The following CIT variants were observed in gnomAD, a reference collection of about 807,000 sequenced individuals.
The protein encoded by CIT is citron Rho-interacting kinase.
A neutral mutation model predicts 272.7 loss-of-function variants in CIT; 79 were observed. The ratio of observed to expected loss-of-function variants is 0.29; its 90% CI spans 0.24 to 0.35. CIT has a LOEUF of 0.35. CIT is among the 10% of genes least tolerant of loss of function. The pLI is 1.00. For synonymous variants in CIT, 948 were observed against 995.6 expected, an observed-to-expected ratio of 0.95 and a Z score of 0.90; for missense variants, 1,909 against 2,618.3, an observed-to-expected ratio of 0.73 and a Z score of 5.91.
In CIT at chr12:119,767,165, A is replaced by C; in HGVS notation, c.2226T>G (p.His742Gln). 6.2e-7 allele frequency: 1 copy of C among 1,610,246 alleles called. No homozygotes were observed. Among genetic ancestry groups the C allele is most frequent in the Non-Finnish European group, 8.5e-7 (1 of 1,178,120 alleles). ...ADKILELEEK[H>Q]REAQVSAQHL... The stretch of plus-strand genomic sequence containing the variant: ...GCTGGGCTGAGACTTGGGCCTCCCG[A>C]TGTTTCTCTTCGAGCTCCTAGACAC... The change falls in exon 19 of 48, where the codon CAT (histidine) becomes CAG (glutamine). Residue 742 changes from histidine (H) to glutamine (Q), a missense_variant. Coordinates refer to ENST00000392521, the MANE Select transcript of CIT (RefSeq NM_001206999.2).
intron 10 of CIT, among the ~76,000 whole-genome samples, chr12:119,797,428 G>A (rs1024420118): frequency 5.3e-5 from 8 of 152,182 alleles, no homozygotes; most frequent in African/African-American, 1.9e-4. Flanking sequence ...AATTGAATGA[G>A]CAAGAGGAGA....
intron 3 of CIT, among the ~76,000 whole-genome samples, chr12:119,861,475 TA>T (rs1288982828): frequency 6.6e-6 from 1 of 151,528 alleles, no homozygotes. Context: ...CAATGCCAGC[TA>T]CTTAGGAGGC....
At chr12:119,745,366 G>A (rs941336045) in intron 23 of CIT, among the ~76,000 whole-genome samples, 3 of 864 alleles carry the variant, frequency 3.5e-3, no homozygotes, top group Admixed American at 0.016. Flanking sequence ...AAAAACAGAA[G>A]AAACAAGCAA....
At chr12:119,717,858 T>TTTTTTTTTTTTA (rs1347848913) in intron 32 of CIT, among the ~76,000 whole-genome samples, 1 of 141,980 alleles carries the variant, frequency 7.0e-6, no homozygotes, top group African/African-American at 2.6e-5. Context: ...TTTTTTTTTT[T>TTTTTTTTTTTTA]GAGATGGAGT....
chr12:119,685,791 T>G lies in CIT; in HGVS notation c.*2441A>C, dbSNP rs181269478. Reference sequence around the variant, plus strand: ...AGAGGTCATTGCACTAAAGCACACATTAGTTTAGATCATTGCTTTATTTCA... The same window carrying G: ...AGAGGTCATTGCACTAAAGCACACAGTAGTTTAGATCATTGCTTTATTTCA... On this transcript the variant is annotated 3_prime_UTR_variant, in exon 48 of 48. Transcript: ENST00000392521. The G allele has an allele frequency of 6.6e-6, 1 of 152,408 alleles. No individual in the cohort carries two copies. The highest frequency in any genetic ancestry group is 2.4e-5 in the African/African-American group (1 of 41,582). The allele number at this position is 152,408 out of a possible 1,614,324, so 9.4% of individuals were successfully genotyped here.
chr12:119,817,367 C>T (rs1023315411), intron 9 of CIT, among the ~76,000 whole-genome samples: 1 of 152,012 alleles, frequency 6.6e-6, no homozygotes, highest in Non-Finnish European at 1.5e-5. Flanking sequence ...AAAAAATTAG[C>T]CGGGCGTGTT....
At chr12:119,819,763 AT>A (rs1396679355) in intron 9 of CIT, among the ~76,000 whole-genome samples, 5 of 152,266 alleles carry the variant, frequency 3.3e-5, no homozygotes, top group Non-Finnish European at 7.3e-5. Flanking sequence ...ACATGTGTTT[AT>A]GAAAAACAGT....
chr12:119,866,696 G>A (rs1754287827), intron 3 of CIT, among the ~76,000 whole-genome samples: 1 of 152,194 alleles, frequency 6.6e-6, no homozygotes, highest in African/African-American at 2.4e-5. Flanking sequence ...GCATGGGCCT[G>A]TAGTACTAGC....
chr12:119,869,334 G>A (rs1345211327), intron 2 of CIT, 133 bp from the exon 3 acceptor site: 1 of 804,244 alleles, frequency 1.2e-6, no homozygotes, highest in Non-Finnish European at 1.9e-6. Context: ...CAATTCTGTG[G>A]CTTCATTCTT....
At chr12:119,724,394 G>A (rs4767841) in intron 28 of CIT, among the ~76,000 whole-genome samples, 82,717 of 151,508 alleles carry the variant, frequency 0.55, 22,685 homozygotes, top group Admixed American at 0.62. Context: ...GTGTTTTAAT[G>A]TAATAGAACC....
At chr12:119,867,409 G>C (rs1421073060) in intron 3 of CIT, among the ~76,000 whole-genome samples, 2 of 152,120 alleles carry the variant, frequency 1.3e-5, no homozygotes, top group Non-Finnish European at 2.9e-5. Context: ...GGCTGGTCTG[G>C]AACTCCTGAC....
rs759830120 is a variant in CIT at position 119,869,102 on chromosome 12, C to G, written c.196G>C (p.Ala66Pro). The G allele has an allele frequency of 6.2e-7, 1 of 1,612,534 alleles. No individual in the cohort carries two copies. The highest frequency in any genetic ancestry group is 1.1e-5 in the South Asian group (1 of 90,688). ...FVLFEECSQP[A>P]LMKIKHVSNF... ...CTCACGTGCTTAATCTTCATCAGAG[C>G]AGGCTGACTGCATTCTTCAAAGAGA... Residue 66 changes from alanine to proline, a missense_variant, in exon 3 of 48, where the codon GCT (alanine) becomes CCT (proline). Ala to Pro is a conservative substitution (Grantham distance 27, BLOSUM62 -1). This residue lies in a region of CIT where 529 missense variants were observed against 549.6 expected (regional missense o/e 0.96). Transcript: ENST00000392521.
At position 119,747,669 on chromosome 12, in the gene CIT, G is replaced by A. The variant is rs554187234; in HGVS notation, c.2904+4381C>T. ...CAGGAGGTGGAAGTTGCAGTGAGCCGAGATCACGCCACTGCACTCCAGCCT... is the reference window on the plus strand; with the variant it reads ...CAGGAGGTGGAAGTTGCAGTGAGCCAAGATCACGCCACTGCACTCCAGCCT... On this transcript the variant is annotated intron_variant, in intron 23 of 47. Transcript: ENST00000392521. Among the ~76,000 whole-genome samples, 5 of 149,610 alleles carry A rather than the reference G, an allele frequency of 3.3e-5. No individual in the cohort carries two copies. In the East Asian group the frequency reaches 6.0e-4, roughly 18 times the overall value.
At chr12:119,810,040 GT>G (rs2137936097) in intron 9 of CIT, among the ~76,000 whole-genome samples, 1 of 152,342 alleles carries the variant, frequency 6.6e-6, no homozygotes, top group South Asian at 2.1e-4. Flanking sequence ...GAATAAACCA[GT>G]AAATGTGTTT....
chr12:119,769,033 C>T (rs896730123), intron 18 of CIT, among the ~76,000 whole-genome samples: 2 of 151,818 alleles, frequency 1.3e-5, no homozygotes, highest in Admixed American at 1.3e-4. Flanking sequence ...CGAAGAAATC[C>T]GCTTATTTTT....
At chr12:119,703,653 TG>T (rs1956714721) in intron 41 of CIT, among the ~76,000 whole-genome samples, 1 of 152,148 alleles carries the variant, frequency 6.6e-6, no homozygotes, top group Non-Finnish European at 1.5e-5. Flanking sequence ...CTCAAACTCC[TG>T]ACCTCAAGTG....
chr12:119,868,680 G>T (rs1950582574), intron 3 of CIT, among the ~76,000 whole-genome samples: 1 of 152,112 alleles, frequency 6.6e-6, no homozygotes, highest in Non-Finnish European at 1.5e-5. Context: ...TGGGACCACG[G>T]GTGCAAGCCA....
intron 37 of CIT, among the ~76,000 whole-genome samples, chr12:119,711,467 G>A (rs77411677): frequency 0.028 from 4,310 of 152,270 alleles, 82 homozygotes; most frequent in African/African-American, 0.048. Flanking sequence ...TCCTGGAGGG[G>A]ACACAGCTGC....
intron 16 of CIT, among the ~76,000 whole-genome samples, chr12:119,773,252 C>A (rs913642111): frequency 6.6e-6 from 1 of 151,996 alleles, no homozygotes; most frequent in Non-Finnish European, 1.5e-5. Context: ...ATCTTCGATT[C>A]GATGCAACGT....
Sources: allele counts gnomAD v4.1 joint callset (sites outside exome capture counted in the v4.1 genomes callset), GRCh38; gene constraint gnomAD v4.1.1; regional missense constraint gnomAD v4.1.1; transcripts MANE v1.5; gene names NCBI Gene and HGNC (gene_info 2026-07-23, HGNC 2026-07-21).